The following PKD2L2 variants were observed in gnomAD, a reference collection of about 807,000 sequenced individuals.
PKD2L2 encodes polycystin 2 like 2, transient receptor potential cation channel.
Under a neutral mutation model 83.9 loss-of-function variants are expected in PKD2L2, and 67 were observed. The ratio of observed to expected loss-of-function variants is 0.80; its 90% CI spans 0.66 to 0.98. PKD2L2 has a LOEUF of 0.98. PKD2L2 is among the 50% of genes least tolerant of loss of function. PKD2L2 has a pLI of 0.00. For missense variants in PKD2L2, 632 were observed against 717.2 expected (o/e 0.88, Z 1.36); for synonymous variants, 223 against 237.8 (o/e 0.94, Z 0.57).
intron 8 of PKD2L2, among the ~76,000 whole-genome samples, chr5:137,919,352 G>T (rs907447003): frequency 1.2e-4 from 18 of 152,064 alleles, no homozygotes; most frequent in Non-Finnish European, 5.9e-5. Context: ...CTCCAGTTTC[G>T]ATGAGATTCT....
intron 4 of PKD2L2, among the ~76,000 whole-genome samples, chr5:137,899,181 G>A (rs1266526408): frequency 2.0e-5 from 3 of 152,122 alleles, no homozygotes; most frequent in African/African-American, 7.2e-5. Context: ...GCAGTGGCAT[G>A]ATCACAGCTC....
rs566646760 is a variant in PKD2L2 at position 137,906,165 on chromosome 5, G to C, written c.747-41G>C. 2.3e-5 allele frequency: 26 copies of C among 1,128,604 alleles called. 1 individual carries two copies. In the South Asian group the frequency reaches 3.6e-4, roughly 15 times the overall value. The allele number at this position is 1,128,604 out of a possible 1,614,324, so 69.9% of individuals were successfully genotyped here. On this transcript the variant is annotated intron_variant, in intron 5 of 14. Coordinates refer to ENST00000508883, the MANE Select transcript of PKD2L2 (RefSeq NM_001300921.2). ...TCACATTAAGTACTGAAATATAAAT[G>C]CTTGAAATGAACAGTTGCTTTCACA... is the stretch of plus-strand genomic sequence containing the variant.
At position 137,942,486 on chromosome 5, in the gene PKD2L2, A is replaced by C. The variant is rs1762151606; in HGVS notation, c.*120A>C. The C allele has an allele frequency of 4.8e-6, 1 of 206,924 alleles. No individual in the cohort carries two copies. Among genetic ancestry groups the C allele is most frequent in the Admixed American group, 5.4e-5 (1 of 18,654 alleles). The allele number at this position is 206,924 out of a possible 1,614,324, so 12.8% of individuals were successfully genotyped here. On this transcript the variant is annotated 3_prime_UTR_variant, in exon 15 of 15. Transcript: ENST00000508883. Reference sequence around the variant, plus strand: ...AGTGATCCTCTTGCCTCAGCCTCCCAAGTATCTGGGACTACACGCGAACAC... The same window carrying C: ...AGTGATCCTCTTGCCTCAGCCTCCCCAGTATCTGGGACTACACGCGAACAC...
At position 137,909,085 on chromosome 5, in the gene PKD2L2, A is replaced by C. The variant is rs184162232; in HGVS notation, c.1328+139A>C. 5 of 572,280 alleles carry C rather than the reference A, an allele frequency of 8.7e-6. No homozygotes were observed. In the Admixed American group the frequency reaches 1.1e-4, roughly 13 times the overall value. 35.5% of individuals were successfully genotyped at this position (572,280 alleles called of 1,614,324 possible). On this transcript the variant is annotated intron_variant, in intron 8 of 14. Transcript: ENST00000508883. ...AGTTTGATATTTTCTTTTTCTTTTT[A>C]TTTTTCTGGAGACAGGGTCTCATAG...
At chr5:137,892,658 A>C in intron 3 of PKD2L2, 45 bp downstream of exon 3, 1 of 1,550,766 alleles carries the variant, frequency 6.4e-7, no homozygotes, top group Non-Finnish European at 8.8e-7. Context: ...TAGGTAGTCC[A>C]TGAACCCTTG....
intron 8 of PKD2L2, among the ~76,000 whole-genome samples, chr5:137,920,546 C>A (rs1758797343): frequency 1.3e-5 from 2 of 151,894 alleles, no homozygotes; most frequent in African/African-American, 4.8e-5. Flanking sequence ...ATCATGAGGT[C>A]AGGAGTTCGA....
chr5:137,899,278 G>A (rs966813420), intron 4 of PKD2L2, among the ~76,000 whole-genome samples: 56 of 152,042 alleles, frequency 3.7e-4, no homozygotes, highest in African/African-American at 1.4e-3. Flanking sequence ...CACCATGCCT[G>A]GCTAGTTTTT....
At chr5:137,898,966 G>A (rs2150008309) in intron 4 of PKD2L2, among the ~76,000 whole-genome samples, 1 of 152,252 alleles carries the variant, frequency 6.6e-6, no homozygotes, top group East Asian at 1.9e-4. Flanking sequence ...CCCACCATAT[G>A]CATTAAAAAG....
At chr5:137,928,147 T>C (rs1759528816) in intron 12 of PKD2L2, among the ~76,000 whole-genome samples, 1 of 152,198 alleles carries the variant, frequency 6.6e-6, no homozygotes, top group African/African-American at 2.4e-5. Flanking sequence ...AGGAATTTTA[T>C]ATTCAGCAAA....
At chr5:137,892,798 T>C (rs1756103523) in intron 3 of PKD2L2, among the ~76,000 whole-genome samples, 185 bp downstream of exon 3, 1 of 152,230 alleles carries the variant, frequency 6.6e-6, no homozygotes, top group Non-Finnish European at 1.5e-5. Context: ...TTTGATACTA[T>C]TCTTGTAATT....
intron 8 of PKD2L2, 69 bp from the exon 9 acceptor site, chr5:137,921,567 A>T: frequency 1.1e-6 from 1 of 940,832 alleles, no homozygotes; most frequent in Non-Finnish European, 1.7e-6. Context: ...TAGAGACATT[A>T]GTAACTCCCA....
chr5:137,930,931 T>C (rs1470228764), intron 12 of PKD2L2, among the ~76,000 whole-genome samples: 1 of 152,082 alleles, frequency 6.6e-6, no homozygotes, highest in Non-Finnish European at 1.5e-5. Context: ...AAAAGGCTAG[T>C]TCCTTGCAAA....
chr5:137,905,959 T>C (rs1218031436), intron 5 of PKD2L2, among the ~76,000 whole-genome samples: 1 of 152,132 alleles, frequency 6.6e-6, no homozygotes, highest in African/African-American at 2.4e-5. Context: ...AAATCACAAC[T>C]TGCTTTCTCA....
At chr5:137,914,898 C>T (rs916700293) in intron 8 of PKD2L2, among the ~76,000 whole-genome samples, 8 of 151,860 alleles carry the variant, frequency 5.3e-5, no homozygotes, top group African/African-American at 1.9e-4. Context: ...GGTTTTTATC[C>T]TTCATTTTTT....
chr5:137,890,369 T>C (rs1230140220), intron 1 of PKD2L2, 112 bp from the exon 2 acceptor site: 8 of 647,438 alleles, frequency 1.2e-5, no homozygotes, highest in Non-Finnish European at 2.2e-5. Flanking sequence ...CAGAAGCTAT[T>C]GGAGCTTTCC....
intron 14 of PKD2L2, chr5:137,939,886 AC>A: frequency 7.4e-7 from 1 of 1,343,118 alleles, no homozygotes; most frequent in Non-Finnish European, 9.5e-7. Context: ...GTTGGTAATA[AC>A]AAAAAGCTTG....
At chr5:137,934,966 T>C (rs73300168) in intron 12 of PKD2L2, among the ~76,000 whole-genome samples, 22,221 of 152,212 alleles carry the variant, frequency 0.15, 1,804 homozygotes, top group Non-Finnish European at 0.18. Flanking sequence ...TACACACTTA[T>C]CAAGCAACCA....
rs781058031 is a variant in PKD2L2 at position 137,899,531 on chromosome 5, T to G, written c.540T>G (p.Thr180=). The G allele has an allele frequency of 1.9e-6, 3 of 1,599,380 alleles. No homozygotes were observed. In the East Asian group the frequency reaches 6.7e-5, roughly 36 times the overall value. The change falls in exon 5 of 15, where the codon ACT becomes ACG. Residue 180 remains threonine (T), a synonymous_variant. Coordinates refer to ENST00000508883, the MANE Select transcript of PKD2L2 (RefSeq NM_001300921.2). The part of the protein sequence containing the change: ...LQINTEWRYS[T]SNTNSPWHWG... ...TGTGTAACAGATGGAGATATTCTAC[T>G]TCTAATACCAACTCCCCTTGGCACT...
Position 137,922,986 on chromosome 5 carries a change from A to AT in PKD2L2, c.1450-426dup, listed in dbSNP as rs970883541. 3.2e-4 allele frequency among the ~76,000 whole-genome samples: 47 copies of AT among 145,796 alleles called. No homozygotes were observed. In the East Asian group the frequency reaches 4.6e-3, roughly 14 times the overall value. On this transcript the variant is annotated intron_variant, in intron 9 of 14. Coordinates refer to ENST00000508883, the MANE Select transcript of PKD2L2 (RefSeq NM_001300921.2). ...TTATATGGGTTACTTTTAAAATTTGATTTTTTTTGTTGTTTTTCCTTTTTC... is the reference window on the plus strand; with the variant it reads ...TTATATGGGTTACTTTTAAAATTTGATTTTTTTTTGTTGTTTTTCCTTTTTC...
Sources: allele counts gnomAD v4.1 joint callset (sites outside exome capture counted in the v4.1 genomes callset), GRCh38; gene constraint gnomAD v4.1.1; transcripts MANE v1.5; gene names NCBI Gene and HGNC (gene_info 2026-07-23, HGNC 2026-07-21).